MBD5: variants seen among roughly 807,000 people sequenced by gnomAD.
MBD5 encodes the protein methyl-CpG binding domain protein 5, also known as methyl-CpG-binding domain protein 5.
Under a neutral mutation model 117.3 loss-of-function variants are expected in MBD5, and 13 were observed. That is an observed-to-expected ratio of 0.11 (90% CI 0.07 to 0.18). The LOEUF is 0.18. Among genes scored for constraint, MBD5 ranks in the 10% least tolerant of loss-of-function variants. The pLI is 1.00. For synonymous variants in MBD5, 727 were observed against 766.4 expected (o/e 0.95, Z 0.85); for missense variants, 1,879 against 2,093.8 (o/e 0.90, Z 2.00).
intron 1 of MBD5, among the ~76,000 whole-genome samples, chr2:148,077,001 A>G (rs927018741): frequency 1.1e-4 from 16 of 152,354 alleles, no homozygotes; most frequent in African/African-American, 3.8e-4. Context: ...TCAGGAAAAG[A>G]AATGAATGAA....
chr2:148,396,991 A>G (rs1402412545), intron 4 of MBD5, among the ~76,000 whole-genome samples: 1 of 151,982 alleles, frequency 6.6e-6, no homozygotes, highest in Admixed American at 6.6e-5. Context: ...GTTATAACTT[A>G]TTTACCATGC....
chr2:148,128,524 T>C (rs1055269180), intron 1 of MBD5, among the ~76,000 whole-genome samples: 4 of 152,188 alleles, frequency 2.6e-5, no homozygotes, highest in African/African-American at 9.7e-5. Flanking sequence ...TCATACCACA[T>C]TTCTATGTCA....
intron 1 of MBD5, among the ~76,000 whole-genome samples, chr2:148,126,037 A>G (rs574227661): frequency 2.0e-5 from 3 of 152,246 alleles, no homozygotes; most frequent in African/African-American, 7.2e-5. Flanking sequence ...GCAATTATTA[A>G]TAAAATAAAG....
In MBD5 at chr2:148,513,014, T is replaced by TATTG. The variant is rs1682264330; in HGVS notation, c.*75_*76insTGAT. On this transcript the variant is annotated 3_prime_UTR_variant, in exon 14 of 14. Transcript: ENST00000642680. The stretch of plus-strand genomic sequence containing the variant: ...AGATGTATCTGTATATAGGTATTGA[T>TATTG]ATAGCCACAGTTATATCAATATTTA... 3.2e-5 allele frequency: 43 copies of TATTG among 1,340,740 alleles called. No homozygotes were observed. In the South Asian group the frequency reaches 4.9e-4, roughly 15 times the overall value. 83.1% of individuals were successfully genotyped at this position (1,340,740 alleles called of 1,614,324 possible).
At chr2:148,204,670 C>T (rs1350600637) in intron 2 of MBD5, among the ~76,000 whole-genome samples, 1 of 152,186 alleles carries the variant, frequency 6.6e-6, no homozygotes, top group Non-Finnish European at 1.5e-5. Flanking sequence ...GTAACAGCTA[C>T]AGGATCTTAT....
At chr2:148,390,525 G>GTT (rs1404903915) in intron 4 of MBD5, among the ~76,000 whole-genome samples, 2 of 145,540 alleles carry the variant, frequency 1.4e-5, no homozygotes, top group African/African-American at 5.1e-5. Context: ...ATATGTGTGT[G>GTT]TGTGTGTATA....
At chr2:148,396,528 T>C (rs941405307) in intron 4 of MBD5, among the ~76,000 whole-genome samples, 1 of 152,226 alleles carries the variant, frequency 6.6e-6, no homozygotes, top group African/African-American at 2.4e-5. Flanking sequence ...CTTTTTTTAT[T>C]CTGTGTACTC....
At chr2:148,228,144 T>C (rs1435620192) in intron 2 of MBD5, among the ~76,000 whole-genome samples, 2 of 152,204 alleles carry the variant, frequency 1.3e-5, no homozygotes, top group Admixed American at 1.3e-4. Context: ...CTTCCAACAC[T>C]ATGTTGAATA....
intron 2 of MBD5, among the ~76,000 whole-genome samples, chr2:148,224,509 A>ATTTTTTTTTTTTTTTTTT (rs34659671): frequency 1.7e-5 from 1 of 58,136 alleles, no homozygotes; most frequent in African/African-American, 8.1e-5. Context: ...CGCCTGGCTA[A>ATTTTTTTTTTTTTTTTTT]TTTTTTTTTT....
At chr2:148,213,631 T>G (rs184901218) in intron 2 of MBD5, among the ~76,000 whole-genome samples, 1 of 152,356 alleles carries the variant, frequency 6.6e-6, no homozygotes, top group East Asian at 1.9e-4. Flanking sequence ...TTATTCTTTC[T>G]AAATTAACTG....
rs1040039577 is a variant in MBD5 at position 148,428,422 on chromosome 2, A to G, written c.-556-29781A>G. ...TATCGTGAAAATGGCCATACTGCCC[A>G]AAGTAATTTATAGATTCAATGTTAT... is the stretch of plus-strand genomic sequence containing the variant. On this transcript the variant is annotated intron_variant, in intron 4 of 13. Transcript: ENST00000642680. Among the ~76,000 whole-genome samples, 4 of 152,216 alleles carry G rather than the reference A, an allele frequency of 2.6e-5. No individual in the cohort carries two copies. The East Asian group carries it at 7.7e-4, about 29-fold the overall frequency.
chr2:148,293,342 G>A (rs775781921), intron 3 of MBD5, among the ~76,000 whole-genome samples: 6 of 151,956 alleles, frequency 3.9e-5, no homozygotes, highest in Admixed American at 6.6e-5. Flanking sequence ...GCATAATAGA[G>A]TGACTATAGT....
chr2:148,133,831 TAATAAAATAA>T (rs978952672), intron 1 of MBD5, among the ~76,000 whole-genome samples: 2 of 151,798 alleles, frequency 1.3e-5, no homozygotes, highest in Non-Finnish European at 1.5e-5. Flanking sequence ...CTCAAAATAA[TAATAAAATAA>T]AATAAAATAA....
intron 1 of MBD5, among the ~76,000 whole-genome samples, chr2:148,146,260 C>T (rs1697460803): frequency 8.1e-6 from 1 of 124,192 alleles, no homozygotes; most frequent in Admixed American, 8.1e-5. Context: ...TTGTCATTGC[C>T]ATTTGTTTTG....
rs1682307935 is a variant in MBD5 at position 148,514,864 on chromosome 2, G to A, written c.*1923G>A. 6.6e-6 allele frequency: 1 copy of A among 152,108 alleles called. No individual in the cohort carries two copies. The allele number at this position is 152,108 out of a possible 1,614,324, so 9.4% of individuals were successfully genotyped here. A position where few individuals can be genotyped will look rare whatever the true frequency, so the allele number is the denominator to read the frequency against. On this transcript the variant is annotated 3_prime_UTR_variant, in exon 14 of 14. Coordinates refer to ENST00000642680, the MANE Select transcript of MBD5 (RefSeq NM_001378120.1). The stretch of plus-strand genomic sequence containing the variant: ...GTTCCTACTTTCAACCTACCCCCAA[G>A]CCTGATGGAATGCAACTGGCTACCC...
At chr2:148,232,761 G>T (rs550574165) in intron 2 of MBD5, among the ~76,000 whole-genome samples, 5 of 151,590 alleles carry the variant, frequency 3.3e-5, no homozygotes, top group African/African-American at 7.3e-5. Context: ...TATCTTTTAG[G>T]TATCTGTTGC....
At chr2:148,185,925 G>A (rs185480229) in intron 2 of MBD5, among the ~76,000 whole-genome samples, 18 of 152,246 alleles carry the variant, frequency 1.2e-4, no homozygotes, top group South Asian at 6.2e-4. Context: ...ATGGGTTTGC[G>A]TAGGATAGTT....
chr2:148,197,800 T>TTG lies in MBD5; in HGVS notation c.-831+19008_-831+19009insGT, dbSNP rs767149953. On this transcript the variant is annotated intron_variant, in intron 2 of 13. Transcript: ENST00000642680. ...CTGTGTCATAGCATCTGAGGTTTTT[T>TTG]TTTTTGTTTTTTTTTTTGTTTTTTT... Among the ~76,000 whole-genome samples the TTG allele has an allele frequency of 4.3e-4, 57 of 133,004 alleles. 3 individuals are homozygous for TTG. The highest frequency in any genetic ancestry group is 2.3e-3 in the Admixed American group (28 of 12,104). 87.3% of individuals were successfully genotyped at this position (133,004 alleles called of 152,430 possible). A position where few individuals can be genotyped will look rare whatever the true frequency, so the allele number is the denominator to read the frequency against.
chr2:148,167,885 A>G (rs1303696917), intron 1 of MBD5, among the ~76,000 whole-genome samples: 1 of 152,106 alleles, frequency 6.6e-6, no homozygotes, highest in East Asian at 1.9e-4. Context: ...CCACCACTTT[A>G]TTATATTTTG....
Sources: gnomAD v4.1 joint callset for allele counts (sites outside exome capture counted in the v4.1 genomes callset) on GRCh38, gnomAD v4.1.1 for gene constraint, MANE v1.5 for transcripts, NCBI Gene and HGNC (gene_info 2026-07-23, HGNC 2026-07-21) for gene names.